ANGPT1: variants seen among roughly 807,000 people sequenced by gnomAD.
ANGPT1 encodes the protein angiopoietin-1.
In ANGPT1, 17 loss-of-function variants were observed where a neutral mutation model predicts 62.2. The ratio of observed to expected loss-of-function variants is 0.27; its 90% CI spans 0.19 to 0.41. The LOEUF (loss-of-function observed/expected upper bound fraction) is 0.41. Among genes scored for constraint, ANGPT1 ranks in the 10% least tolerant of loss-of-function variants. ANGPT1 has a pLI of 1.00. For missense variants in ANGPT1, 478 were observed against 594.9 expected (o/e 0.80, Z 2.04); for synonymous variants, 199 against 198.9 (o/e 1.00, Z 0.00).
At chr8:107,389,078 A>G (rs1193788326) in intron 1 of ANGPT1, among the ~76,000 whole-genome samples, 1 of 152,210 alleles carries the variant, frequency 6.6e-6, no homozygotes, top group Non-Finnish European at 1.5e-5. Context: ...TACATCCTTT[A>G]TAGCCATGAT....
intron 1 of ANGPT1, among the ~76,000 whole-genome samples, chr8:107,402,713 A>G (rs1817069945): frequency 1.3e-5 from 2 of 152,180 alleles, no homozygotes; most frequent in Admixed American, 1.3e-4. Context: ...GGTAGCATAT[A>G]CCTCTTTAGT....
chr8:107,427,783 T>C (rs1436743560), intron 1 of ANGPT1, among the ~76,000 whole-genome samples: 1 of 151,414 alleles, frequency 6.6e-6, no homozygotes, highest in Non-Finnish European at 1.5e-5. Flanking sequence ...CTGTGCATAT[T>C]GATCTTCAAA....
chr8:107,455,248 G>T (rs186074159), intron 1 of ANGPT1, among the ~76,000 whole-genome samples: 1 of 152,150 alleles, frequency 6.6e-6, no homozygotes, highest in Non-Finnish European at 1.5e-5. Context: ...ACTGTTTCCT[G>T]TAAGTTTACT....
At chr8:107,433,295 AGT>A (rs765930866) in intron 1 of ANGPT1, among the ~76,000 whole-genome samples, 9 of 152,334 alleles carry the variant, frequency 5.9e-5, no homozygotes, top group Non-Finnish European at 1.0e-4. Context: ...ACTGCTACCA[AGT>A]AGCAGATACA....
chr8:107,497,295 A>T lies in ANGPT1; in HGVS notation c.264T>A (p.His88Gln), dbSNP rs772516925. 5.0e-6 allele frequency: 8 copies of T among 1,614,202 alleles called. No individual in the cohort carries two copies. In the Admixed American group the frequency reaches 1.3e-4, roughly 27 times the overall value. ...FSSQKLQHLE[H>Q]VMENYTQWLQ... ...GCCACTGAGTATAATTTTCCATCAC[A>T]TGTTCCAGATGTTGAAGTTTCTGGG... Residue 88 changes from histidine (H) to glutamine (Q), a missense_variant, in exon 1 of 9, where the codon CAT becomes CAA. Coordinates refer to ENST00000517746, the MANE Select transcript of ANGPT1 (RefSeq NM_001146.5).
intron 1 of ANGPT1, among the ~76,000 whole-genome samples, chr8:107,396,414 T>C (rs141020823): frequency 4.1e-4 from 63 of 152,146 alleles, no homozygotes; most frequent in African/African-American, 1.5e-3. Flanking sequence ...CAAAATTATC[T>C]TTAGAAATGG....
rs1458971488 is a variant in ANGPT1 at position 107,475,399 on chromosome 8, C to T, written c.297+21863G>A. 3.3e-5 allele frequency among the ~76,000 whole-genome samples: 5 copies of T among 152,238 alleles called. No homozygotes were observed. The East Asian group carries it at 9.7e-4, about 29-fold the overall frequency. On this transcript the variant is annotated intron_variant, in intron 1 of 8. Transcript: ENST00000517746. The stretch of plus-strand genomic sequence containing the variant: ...GCTAGCCATATGTAGAAAGCTGAAA[C>T]AGGACCCCTTCCTTACACCTTATAC...
chr8:107,260,375 G>A (rs1813463849), intron 8 of ANGPT1, among the ~76,000 whole-genome samples: 1 of 152,110 alleles, frequency 6.6e-6, no homozygotes, highest in Non-Finnish European at 1.5e-5. Context: ...TTTAATTGAT[G>A]ATGACAAAGA....
intron 4 of ANGPT1, among the ~76,000 whole-genome samples, chr8:107,319,942 T>G (rs1815111688): frequency 6.6e-6 from 1 of 152,118 alleles, no homozygotes; most frequent in Non-Finnish European, 1.5e-5. Flanking sequence ...GGCAATCACC[T>G]TAAATTAAGA....
chr8:107,293,998 C>G lies in ANGPT1; in HGVS notation c.976G>C (p.Val326Leu). The change falls in exon 6 of 9, where the codon GTA becomes CTA. Residue 326 changes from valine (V) to leucine (L), a missense_variant. Coordinates refer to ENST00000517746, the MANE Select transcript of ANGPT1 (RefSeq NM_001146.5). ...CTTCCATCTTCACGATGTTGTATTACAGTCCAACCTCCCCCATTGACATCC... is the reference window on the plus strand; with the variant it reads ...CTTCCATCTTCACGATGTTGTATTAGAGTCCAACCTCCCCCATTGACATCC... ...NMDVNGGGWT[V>L]IQHREDGSLD... is the part of the protein sequence containing the mutation. 6.2e-7 allele frequency: 1 copy of G among 1,613,606 alleles called. No homozygotes were observed. The highest frequency in any genetic ancestry group is 8.5e-7 in the Non-Finnish European group (1 of 1,179,788).
intron 4 of ANGPT1, among the ~76,000 whole-genome samples, chr8:107,313,437 T>TTG (rs1265302992): frequency 2.5e-5 from 3 of 122,192 alleles, no homozygotes; most frequent in South Asian, 3.1e-4. Context: ...TTGTTTTTTT[T>TTG]TTTTTTTTTT....
intron 5 of ANGPT1, 83 bp from the exon 6 acceptor site, chr8:107,294,120 G>T: frequency 9.0e-7 from 1 of 1,116,312 alleles, no homozygotes; most frequent in Non-Finnish European, 1.3e-6. Flanking sequence ...ATAGGAATAA[G>T]GCGAACAGGT....
chr8:107,467,450 TAAAAC>T (rs932876370), intron 1 of ANGPT1, among the ~76,000 whole-genome samples: 28 of 151,804 alleles, frequency 1.8e-4, no homozygotes, highest in Admixed American at 5.3e-4. Flanking sequence ...TAGCTTAAAA[TAAAAC>T]AAAACAAAAG....
chr8:107,393,354 A>G lies in ANGPT1; in HGVS notation c.298-46257T>C, dbSNP rs191730307. Among the ~76,000 whole-genome samples the G allele has an allele frequency of 5.4e-3, 820 of 152,240 alleles. 3 individuals are homozygous for G. The highest frequency in any genetic ancestry group is 0.021 in the South Asian group (102 of 4,826). ...TACTTTTTGGATGATGGAAATGTCTATATCTTAATTTTGGTAGTAATTACA... is the reference window on the plus strand; with the variant it reads ...TACTTTTTGGATGATGGAAATGTCTGTATCTTAATTTTGGTAGTAATTACA... On this transcript the variant is annotated intron_variant, in intron 1 of 8. Coordinates refer to ENST00000517746, the MANE Select transcript of ANGPT1 (RefSeq NM_001146.5).
intron 1 of ANGPT1, among the ~76,000 whole-genome samples, chr8:107,410,469 G>A (rs780917829): frequency 1.2e-4 from 19 of 152,110 alleles, no homozygotes; most frequent in Non-Finnish European, 2.2e-4. Flanking sequence ...GGTGACCTAT[G>A]AGCATCAAAA....
chr8:107,450,174 G>A (rs1349993516), intron 1 of ANGPT1, among the ~76,000 whole-genome samples: 3 of 151,950 alleles, frequency 2.0e-5, no homozygotes, highest in East Asian at 3.8e-4. Context: ...TGGGACATAC[G>A]GTATTGTTGG....
At chr8:107,347,140 G>C (rs759104753) in intron 1 of ANGPT1, 43 bp from the exon 2 acceptor site, 2 of 1,562,060 alleles carry the variant, frequency 1.3e-6, no homozygotes, top group Admixed American at 1.7e-5. Context: ...TATAAGCAAG[G>C]CCTCCCAGTT....
intron 4 of ANGPT1, among the ~76,000 whole-genome samples, chr8:107,318,811 A>G (rs1815082397): frequency 6.6e-6 from 1 of 152,026 alleles, no homozygotes; most frequent in Non-Finnish European, 1.5e-5. Flanking sequence ...TACCTCACAT[A>G]CTCGTCATTT....
rs79272420 is a variant in ANGPT1 at position 107,263,603 on chromosome 8, T to C, written c.1336+618A>G. ...AGAAATGAGAGCACCAAATTGAGAA[T>C]TTCTCTGTGGGGCTATCAGAAGGCT... is the stretch of plus-strand genomic sequence containing the variant. On this transcript the variant is annotated intron_variant, in intron 8 of 8. Coordinates refer to ENST00000517746, the MANE Select transcript of ANGPT1 (RefSeq NM_001146.5). Among the ~76,000 whole-genome samples, 36 of 152,174 alleles carry C rather than the reference T, an allele frequency of 2.4e-4. No homozygotes were observed. The East Asian group carries it at 6.6e-3, about 28-fold the overall frequency.
Sources: allele counts gnomAD v4.1 joint callset (sites outside exome capture counted in the v4.1 genomes callset), GRCh38; gene constraint gnomAD v4.1.1; transcripts MANE v1.5; gene names NCBI Gene and HGNC (gene_info 2026-07-23, HGNC 2026-07-21).